Variants in DENND1A observed in about 807,000 individuals in gnomAD.
DENND1A encodes DENN domain-containing protein 1A.
In DENND1A, 51 loss-of-function variants were observed where a neutral mutation model predicts 113.7. The observed-to-expected ratio is 0.45, with a 90% CI of 0.36 to 0.57. DENND1A has a LOEUF of 0.57. Ranked by LOEUF, DENND1A falls within the 20% of genes least tolerant of loss-of-function variation. The pLI is 0.00. For missense variants in DENND1A, 1,258 were observed against 1,395.9 expected (o/e 0.90, Z 1.57); for synonymous variants, 565 against 570.8 (o/e 0.99, Z 0.14).
chr9:123,566,768 C>T (rs1005109268), intron 12 of DENND1A, among the ~76,000 whole-genome samples: 2 of 152,188 alleles, frequency 1.3e-5, no homozygotes. Context: ...AGTATCTCAC[C>T]ATTTGAAACT....
intron 2 of DENND1A, among the ~76,000 whole-genome samples, chr9:123,810,758 CTT>C (rs570849433): frequency 0.022 from 2,842 of 131,144 alleles, 88 homozygotes; most frequent in African/African-American, 0.081. Flanking sequence ...ACTTAAATCC[CTT>C]TTTTTTTTTT....
At chr9:123,705,508 T>C (rs1333583130) in intron 5 of DENND1A, among the ~76,000 whole-genome samples, 5 of 152,092 alleles carry the variant, frequency 3.3e-5, no homozygotes, top group South Asian at 2.1e-4. Flanking sequence ...CAGAAATCAA[T>C]TGAGTTTCTA....
At chr9:123,673,286 T>C (rs376771264) in intron 6 of DENND1A, among the ~76,000 whole-genome samples, 3 of 152,372 alleles carry the variant, frequency 2.0e-5, no homozygotes, top group Admixed American at 1.3e-4. Context: ...TTTACTTATT[T>C]ATTTTACCAT....
intron 10 of DENND1A, among the ~76,000 whole-genome samples, chr9:123,617,831 G>A (rs1220444807): frequency 1.3e-5 from 2 of 152,112 alleles, no homozygotes; most frequent in African/African-American, 4.8e-5. Flanking sequence ...AGCAGCCCAT[G>A]AGAGCCTGTG....
chr9:123,711,539 A>ATGTAT (rs1589767888), intron 5 of DENND1A, among the ~76,000 whole-genome samples: 1 of 134,626 alleles, frequency 7.4e-6, no homozygotes, highest in African/African-American at 2.7e-5. Flanking sequence ...ATATATATAT[A>ATGTAT]AATTCAACAA....
chr9:123,789,089 T>C (rs550998790), intron 3 of DENND1A, among the ~76,000 whole-genome samples: 166 of 150,652 alleles, frequency 1.1e-3, no homozygotes, highest in African/African-American at 3.8e-3. Flanking sequence ...TTAAAAAAAA[T>C]ATAGGCAACG....
intron 5 of DENND1A, among the ~76,000 whole-genome samples, chr9:123,746,487 T>G (rs532882962): frequency 6.6e-6 from 1 of 152,304 alleles, no homozygotes; most frequent in South Asian, 2.1e-4. Context: ...CAGAAATGTT[T>G]CAGATTTTAG....
At chr9:123,790,001 GTGTC>G (rs980401150) in intron 3 of DENND1A, among the ~76,000 whole-genome samples, 2 of 151,994 alleles carry the variant, frequency 1.3e-5, no homozygotes. Flanking sequence ...GTGTGTGTGT[GTGTC>G]TGTGTGTCTG....
intron 10 of DENND1A, among the ~76,000 whole-genome samples, chr9:123,620,232 A>AAAAAAAAG (rs1554916729): frequency 3.0e-4 from 34 of 114,374 alleles, no homozygotes; most frequent in African/African-American, 8.2e-4. Context: ...AAAAAAAAAA[A>AAAAAAAAG]AAAAAAGAAA....
chr9:123,475,042 CAG>C (rs1323484262), intron 13 of DENND1A, among the ~76,000 whole-genome samples: 2 of 151,994 alleles, frequency 1.3e-5, no homozygotes, highest in African/African-American at 4.8e-5. Context: ...TTTTTTGAGA[CAG>C]AGTCTTGCTC....
chr9:123,506,216 C>A (rs2052917547), intron 13 of DENND1A, among the ~76,000 whole-genome samples: 1 of 152,156 alleles, frequency 6.6e-6, no homozygotes. Flanking sequence ...ATTTACCTCA[C>A]AGGGTGGTTG....
intron 19 of DENND1A, among the ~76,000 whole-genome samples, chr9:123,418,118 T>C (rs76668115): frequency 0.03 from 4,549 of 152,236 alleles, 149 homozygotes; most frequent in African/African-American, 0.074. Flanking sequence ...GTCCTTGGTA[T>C]AGAAAATGCA....
intron 13 of DENND1A, among the ~76,000 whole-genome samples, chr9:123,496,847 C>T (rs769722585): frequency 1.3e-5 from 2 of 152,208 alleles, no homozygotes; most frequent in African/African-American, 2.4e-5. Context: ...GCTGTCTTCA[C>T]GGGGCTGCTC....
intron 10 of DENND1A, among the ~76,000 whole-genome samples, chr9:123,618,878 C>G (rs1487353241): frequency 6.6e-6 from 1 of 152,238 alleles, no homozygotes; most frequent in African/African-American, 2.4e-5. Context: ...TCTACACAGA[C>G]TAACCCATTT....
chr9:123,570,348 T>C (rs1306368423), intron 12 of DENND1A, among the ~76,000 whole-genome samples: 1 of 152,098 alleles, frequency 6.6e-6, no homozygotes, highest in African/African-American at 2.4e-5. Context: ...AGAAGAGCAA[T>C]GGCAAGAGAT....
chr9:123,453,126 G>C (rs1356571915), intron 16 of DENND1A, among the ~76,000 whole-genome samples: 1 of 152,228 alleles, frequency 6.6e-6, no homozygotes, highest in African/African-American at 2.4e-5. Context: ...CATCCCTGCA[G>C]ACACGTCGTG....
intron 7 of DENND1A, among the ~76,000 whole-genome samples, chr9:123,668,443 T>C (rs1257359143): frequency 2.0e-5 from 3 of 152,372 alleles, no homozygotes; most frequent in Middle Eastern, 3.4e-3. Context: ...TTATGTCTAG[T>C]ACTCTGTAAA....
In DENND1A at chr9:123,381,471, C is replaced by G; in HGVS notation, c.3174G>C (p.Ser1058=). Residue 1058 remains serine (S), a synonymous_variant, in exon 24 of 24, where the codon TCG becomes TCC. Transcript: ENST00000394215. The surrounding 1 kb of genome is among the most constrained non-coding windows in gnomAD (Gnocchi z 4.7). ...PSPALAPAPD[S]VEQLRKQWET... The stretch of plus-strand genomic sequence containing the variant: ...CCCACTGCTTCCTGAGCTGCTCCAC[C>G]GAGTCTGGGGCCGGGGCCAGGGCCG... 1 of 1,613,490 alleles carries G rather than the reference C, an allele frequency of 6.2e-7. No homozygotes were observed. The highest frequency in any genetic ancestry group is 2.2e-5 in the East Asian group (1 of 44,860).
chr9:123,923,089 A>G (rs999150603), intron 1 of DENND1A, among the ~76,000 whole-genome samples: 1 of 152,210 alleles, frequency 6.6e-6, no homozygotes, highest in African/African-American at 2.4e-5. Flanking sequence ...GCCAGGAAAA[A>G]GGCTGGACCT....
Sources: allele counts gnomAD v4.1 joint callset (sites outside exome capture counted in the v4.1 genomes callset), GRCh38; gene constraint gnomAD v4.1.1; non-coding constraint Gnocchi (gnomAD v3.1); transcripts MANE v1.5; gene names NCBI Gene and HGNC (gene_info 2026-07-23, HGNC 2026-07-21).